KHDRBS1: variants seen among roughly 807,000 people sequenced by gnomAD.
The protein encoded by KHDRBS1 is KH domain-containing, RNA-binding, signal transduction-associated protein 1.
In KHDRBS1, 7 loss-of-function variants were observed where a neutral mutation model predicts 48.4. The observed-to-expected ratio is 0.14, with a 90% CI of 0.08 to 0.27. The LOEUF (loss-of-function observed/expected upper bound fraction) is 0.27. Among genes scored for constraint, KHDRBS1 ranks in the 10% least tolerant of loss-of-function variants. KHDRBS1 has a pLI of 1.00. For missense variants in KHDRBS1, 458 were observed against 601.2 expected, an observed-to-expected ratio of 0.76 and a Z score of 2.49; for synonymous variants, 241 against 235.8, an observed-to-expected ratio of 1.02 and a Z score of -0.20.
chr1:32,026,191 C>T (rs754703834), intron 1 of KHDRBS1, among the ~76,000 whole-genome samples: 2 of 152,030 alleles, frequency 1.3e-5, no homozygotes, highest in African/African-American at 2.4e-5. Flanking sequence ...TTTTTTGAGA[C>T]AGGGCCTTAC....
At chr1:32,059,885 T>C (rs1229292734) in intron 10 of KHDRBS1, among the ~76,000 whole-genome samples, 6 of 152,192 alleles carry the variant, frequency 3.9e-5, no homozygotes, top group African/African-American at 9.7e-5. Flanking sequence ...TTGTTGATTC[T>C]TCCCTGGATC....
chr1:32,050,402 G>GT (rs1414707894), intron 10 of KHDRBS1, among the ~76,000 whole-genome samples: 7 of 151,972 alleles, frequency 4.6e-5, no homozygotes, highest in Non-Finnish European at 1.0e-4. Flanking sequence ...CAGTTTATCT[G>GT]TTTTTTTCTT....
At position 32,037,988 on chromosome 1, in the gene KHDRBS1, G is replaced by A. The variant is rs560012289; in HGVS notation, c.1059G>A (p.Gln353=). 1.2e-6 allele frequency: 2 copies of A among 1,614,230 alleles called. No individual in the cohort carries two copies. The highest frequency in any genetic ancestry group is 4.5e-5 in the East Asian group (2 of 44,892). The change falls in exon 6 of 9, where the codon CAG becomes CAA. Residue 353 remains glutamine (Q), a synonymous_variant. Transcript: ENST00000327300. The part of the protein sequence containing the change: ...PAPRARTAGI[Q]RIPLPPPPAP... Reference sequence around the variant, plus strand: ...CAAGAGCACGGACAGCGGGCATCCAGAGGATACCTTTGCCTCCACCTCCTG... The same window carrying A: ...CAAGAGCACGGACAGCGGGCATCCAAAGGATACCTTTGCCTCCACCTCCTG...
intron 1 of KHDRBS1, among the ~76,000 whole-genome samples, chr1:32,018,600 CA>C (rs1218233451): frequency 1.5e-4 from 22 of 151,492 alleles, no homozygotes; most frequent in African/African-American, 5.3e-4. Context: ...CTAAAAGATA[CA>C]AAAAAATTAG....
intron 1 of KHDRBS1, among the ~76,000 whole-genome samples, chr1:32,026,719 G>A (rs971669608): frequency 1.3e-5 from 2 of 152,198 alleles, no homozygotes; most frequent in African/African-American, 2.4e-5. Flanking sequence ...ATAAAATACA[G>A]CTGAAAGGTC....
chr1:32,024,854 A>G (rs1638932126), intron 1 of KHDRBS1, among the ~76,000 whole-genome samples: 1 of 152,000 alleles, frequency 6.6e-6, no homozygotes, highest in African/African-American at 2.4e-5. Context: ...AGTCCTAGCT[A>G]CTGGGGAGGC....
chr1:32,054,267 G>A (rs1027051724), intron 10 of KHDRBS1, among the ~76,000 whole-genome samples: 9 of 152,070 alleles, frequency 5.9e-5, no homozygotes, highest in Non-Finnish European at 8.8e-5. Flanking sequence ...CCAGTGTACC[G>A]GCAAGGTAGG....
chr1:32,033,440 A>C, intron 4 of KHDRBS1, 106 bp downstream of exon 4: 1 of 1,431,146 alleles, frequency 7.0e-7, no homozygotes, highest in Non-Finnish European at 9.5e-7. Context: ...ACCTGTATGT[A>C]TACCAAATTC....
At chr1:32,033,442 A>G in intron 4 of KHDRBS1, 108 bp downstream of exon 4, 1 of 1,412,102 alleles carries the variant, frequency 7.1e-7, no homozygotes, top group Non-Finnish European at 9.6e-7. Flanking sequence ...CTGTATGTAT[A>G]CCAAATTCTG....
At chr1:32,033,616 T>C (rs1475482085) in intron 4 of KHDRBS1, among the ~76,000 whole-genome samples, 1 of 152,222 alleles carries the variant, frequency 6.6e-6, no homozygotes, top group East Asian at 1.9e-4. Flanking sequence ...TGATATTTGG[T>C]TAACTAAGGT....
chr1:32,029,349 A>G (rs1280553184), intron 1 of KHDRBS1, among the ~76,000 whole-genome samples: 1 of 152,230 alleles, frequency 6.6e-6, no homozygotes, highest in African/African-American at 2.4e-5. Flanking sequence ...ATACTTCAAT[A>G]AAATGTTTTT....
chr1:32,033,398 AG>A, intron 4 of KHDRBS1, 64 bp downstream of exon 4: 2 of 1,590,306 alleles, frequency 1.3e-6, no homozygotes, highest in East Asian at 4.5e-5. Flanking sequence ...ACTGTTGTGA[AG>A]GTAGGGGTTC....
chr1:32,040,785 TAC>T (rs1385531397), intron 8 of KHDRBS1, among the ~76,000 whole-genome samples: 1 of 152,220 alleles, frequency 6.6e-6, no homozygotes, highest in Non-Finnish European at 1.5e-5. Flanking sequence ...CACGCTAAGA[TAC>T]TGGTTGACAG....
At chr1:32,059,275 C>G (rs16834857) in intron 10 of KHDRBS1, among the ~76,000 whole-genome samples, 45 of 151,378 alleles carry the variant, frequency 3.0e-4, no homozygotes, top group Admixed American at 8.6e-4. Context: ...TTTAAAAGAT[C>G]GGAAGCACTG....
chr1:32,028,326 G>A (rs1390149289), intron 1 of KHDRBS1, among the ~76,000 whole-genome samples: 1 of 151,634 alleles, frequency 6.6e-6, no homozygotes, highest in African/African-American at 2.4e-5. Flanking sequence ...AGTTTAATAA[G>A]CCCTCTTCTA....
At chr1:32,042,475 C>A in intron 8 of KHDRBS1, 52 bp from the exon 9 acceptor site, 1 of 1,213,358 alleles carries the variant, frequency 8.2e-7, no homozygotes, top group Non-Finnish European at 1.2e-6. Flanking sequence ...CCCTGCTTAT[C>A]CCTAAGTGCT....
At chr1:32,037,376 G>A (rs972041090) in intron 5 of KHDRBS1, among the ~76,000 whole-genome samples, 8 of 151,710 alleles carry the variant, frequency 5.3e-5, no homozygotes, top group African/African-American at 1.7e-4. Flanking sequence ...CCCAGGAGAC[G>A]GAAGTTGCAG....
intron 1 of KHDRBS1, among the ~76,000 whole-genome samples, chr1:32,024,519 A>C (rs1569777298): frequency 1.3e-5 from 2 of 150,500 alleles, no homozygotes; most frequent in Admixed American, 1.3e-4. Flanking sequence ...TAAAGATGGG[A>C]TCTCACTCTG....
Position 32,036,968 on chromosome 1 carries a change from T to A in KHDRBS1, c.830T>A (p.Val277Glu), listed in dbSNP as rs781533157. 8 of 1,613,874 alleles carry A rather than the reference T, an allele frequency of 5.0e-6. No individual in the cohort carries two copies. In the African/African-American group the frequency reaches 1.1e-4, roughly 22 times the overall value. Residue 277 changes from valine to glutamate, a missense_variant, in exon 5 of 9, where the codon GTA (valine) becomes GAA (glutamate). Val to Glu is a moderately radical substitution (Grantham distance 121, BLOSUM62 -2). Transcript: ENST00000327300. Reference protein sequence around the residue: ...QFLELSYLNGVPEPSRGRGVP... With the variant: ...QFLELSYLNGEPEPSRGRGVP... ...CTAGAGCTGTCCTACTTGAATGGAG[T>A]ACCTGAACCCTCTCGTGGACGTGGG...
Sources: allele counts gnomAD v4.1 joint callset (sites outside exome capture counted in the v4.1 genomes callset), GRCh38; gene constraint gnomAD v4.1.1; transcripts MANE v1.5; gene names NCBI Gene and HGNC (gene_info 2026-07-23, HGNC 2026-07-21).